The following CACNB4 variants were observed in gnomAD, a reference collection of about 807,000 sequenced individuals.
CACNB4 encodes the protein calcium voltage-gated channel auxiliary subunit beta 4.
Under a neutral mutation model 71.2 loss-of-function variants are expected in CACNB4, and 32 were observed. The observed-to-expected ratio is 0.45, with a 90% CI of 0.34 to 0.60. The LOEUF is 0.60. Ranked by LOEUF, CACNB4 falls within the 20% of genes least tolerant of loss-of-function variation. CACNB4 has a pLI of 0.01. For missense variants in CACNB4, 464 were observed against 647.9 expected (o/e 0.72, Z 3.08); for synonymous variants, 231 against 236.9 (o/e 0.97, Z 0.23).
intron 2 of CACNB4, among the ~76,000 whole-genome samples, chr2:151,975,502 C>T (rs959010338): frequency 1.3e-5 from 2 of 152,150 alleles, no homozygotes; most frequent in Admixed American, 1.3e-4. Flanking sequence ...CAGATTGTCA[C>T]CTCTGAGATT....
intron 2 of CACNB4, among the ~76,000 whole-genome samples, chr2:152,035,158 G>T (rs777392142): frequency 6.6e-6 from 1 of 152,216 alleles, no homozygotes; most frequent in Non-Finnish European, 1.5e-5. Flanking sequence ...CATGTTACAA[G>T]CAATAGCCAG....
At position 152,097,634 on chromosome 2, in the gene CACNB4, G is replaced by C. The variant is rs546408478; in HGVS notation, c.147+696C>G. Among the ~76,000 whole-genome samples the C allele has an allele frequency of 5.3e-5, 8 of 152,308 alleles. 1 individual carries two copies. The South Asian group carries it at 1.4e-3, about 28-fold the overall frequency. On this transcript the variant is annotated intron_variant, in intron 2 of 13. Coordinates refer to ENST00000539935, the MANE Select transcript of CACNB4 (RefSeq NM_000726.5). ...AGCATTGAGCATTACCAGCGATCCG[G>C]AGATCCCGAGCACAGACAATTCGCA...
chr2:151,992,250 T>C (rs1681751685), intron 2 of CACNB4, among the ~76,000 whole-genome samples: 1 of 152,208 alleles, frequency 6.6e-6, no homozygotes. Context: ...GGGAGATGCA[T>C]GCAGCCTGGC....
chr2:151,956,745 G>A (rs1416154621), intron 2 of CACNB4, among the ~76,000 whole-genome samples: 4 of 152,214 alleles, frequency 2.6e-5, no homozygotes, highest in African/African-American at 9.7e-5. Flanking sequence ...CTAGGGAATA[G>A]GGTCTAGGAT....
At chr2:152,096,549 C>T (rs911118210) in intron 2 of CACNB4, among the ~76,000 whole-genome samples, 1 of 152,132 alleles carries the variant, frequency 6.6e-6, no homozygotes, top group Non-Finnish European at 1.5e-5. Flanking sequence ...AATACAATTA[C>T]AATTAACTCC....
intron 2 of CACNB4, among the ~76,000 whole-genome samples, chr2:152,053,229 C>T (rs941111844): frequency 2.0e-5 from 3 of 152,172 alleles, no homozygotes; most frequent in African/African-American, 7.2e-5. Context: ...CTTTCAACCT[C>T]ACCCTCAACC....
upstream of CACNB4, chr2:152,099,125 AC>A (rs1688454695): frequency 1.6e-6 from 1 of 613,802 alleles, no homozygotes; most frequent in South Asian, 2.5e-5. Context: ...CGGCTCCAGG[AC>A]CCGCGCCGGC....
intron 9 of CACNB4, chr2:151,861,597 C>G (rs1293668819): frequency 3.3e-5 from 5 of 152,096 alleles, no homozygotes; most frequent in African/African-American, 4.8e-5. Context: ...AATCCCAGCA[C>G]TTTGGGAGGC....
intron 9 of CACNB4, 50 bp downstream of exon 9, chr2:151,869,127 C>T (rs2099843943): frequency 1.9e-6 from 2 of 1,048,836 alleles, no homozygotes; most frequent in South Asian, 2.8e-5. Context: ...ATTTATCACA[C>T]AAGTTTGGTT....
chr2:151,883,175 T>G, intron 3 of CACNB4, 76 bp downstream of exon 3: 8 of 1,425,226 alleles, frequency 5.6e-6, no homozygotes, highest in African/African-American at 1.4e-5. Context: ...TCCAGAAATG[T>G]GAGGTAAGGG....
In CACNB4 at chr2:152,098,583, C is replaced by CCCACAA; in HGVS notation, c.64-171_64-170insTTGTGG. 9.8e-7 allele frequency: 1 copy of CCCACAA among 1,018,186 alleles called. No individual in the cohort carries two copies. The highest frequency in any genetic ancestry group is 1.5e-6 in the Non-Finnish European group (1 of 659,028). 63.1% of individuals were successfully genotyped at this position (1,018,186 alleles called of 1,614,324 possible). A position where few individuals can be genotyped will look rare whatever the true frequency, so the allele number is the denominator to read the frequency against. On this transcript the variant is annotated intron_variant, in intron 1 of 13. Coordinates refer to ENST00000539935, the MANE Select transcript of CACNB4 (RefSeq NM_000726.5). This position sits in a 1 kb window ranked among gnomAD's most constrained non-coding sequence, Gnocchi z 5.3. ...AATACAGCCCCCACCCCCACCCACC[C>CCCACAA]ACTGCAAGCCTCGACTGCTGAAAAG...
At chr2:151,961,815 C>T (rs2099869729) in intron 2 of CACNB4, among the ~76,000 whole-genome samples, 1 of 152,110 alleles carries the variant, frequency 6.6e-6, no homozygotes, top group Admixed American at 6.5e-5. Flanking sequence ...CACTTCAGCC[C>T]AGGAGGTCCA....
chr2:151,890,614 A>G (rs887679664), intron 2 of CACNB4, among the ~76,000 whole-genome samples: 4 of 152,222 alleles, frequency 2.6e-5, no homozygotes, highest in Non-Finnish European at 5.9e-5. Flanking sequence ...AACTTACATT[A>G]AAACATCAAA....
At chr2:152,079,833 A>G (rs1687257723) in intron 2 of CACNB4, among the ~76,000 whole-genome samples, 1 of 152,160 alleles carries the variant, frequency 6.6e-6, no homozygotes, top group South Asian at 2.1e-4. Flanking sequence ...ATTACATCAG[A>G]CCAGAAAAGT....
intron 2 of CACNB4, among the ~76,000 whole-genome samples, chr2:151,991,909 C>T (rs752441103): frequency 2.6e-5 from 4 of 152,040 alleles, no homozygotes; most frequent in African/African-American, 4.8e-5. Context: ...AACAAAAGAG[C>T]GAATCCAGGA....
rs1203024747 is a variant in CACNB4, at chr2:151,839,156, G to C, written c.1526C>G (p.Pro509Arg). The part of the protein sequence containing the change: ...TYKPHRNRGS[P>R]GGYSHDSRHR... ...TCGGGAGTCATGGCTATATCCCCCA[G>C]GTGATCCTCGGTTCCTATGGGGTTT... The change falls in exon 14 of 14, where the codon CCT becomes CGT. Residue 509 changes from proline to arginine, a missense_variant. Coordinates refer to ENST00000539935, the MANE Select transcript of CACNB4 (RefSeq NM_000726.5). The C allele has an allele frequency of 6.2e-7, 1 of 1,613,364 alleles. No individual in the cohort carries two copies.
chr2:151,979,936 G>T (rs1197383105), intron 2 of CACNB4, among the ~76,000 whole-genome samples: 1 of 152,174 alleles, frequency 6.6e-6, no homozygotes, highest in African/African-American at 2.4e-5. Context: ...GAGCAGGGCA[G>T]AAATAAATCA....
At chr2:151,983,377 T>C (rs140527525) in intron 2 of CACNB4, among the ~76,000 whole-genome samples, 5 of 152,334 alleles carry the variant, frequency 3.3e-5, no homozygotes, top group South Asian at 2.1e-4. Flanking sequence ...CTTTGCAGTA[T>C]TGGATGGAAA....
intron 2 of CACNB4, among the ~76,000 whole-genome samples, chr2:151,931,222 C>T (rs113117395): frequency 0.027 from 4,088 of 152,240 alleles, 52 homozygotes; most frequent in African/African-American, 0.033. Context: ...GGAATCTGTC[C>T]TGTGCTTGCT....
Sources: gnomAD v4.1 joint callset for allele counts (sites outside exome capture counted in the v4.1 genomes callset) on GRCh38, gnomAD v4.1.1 for gene constraint, Gnocchi (gnomAD v3.1) non-coding constraint, MANE v1.5 for transcripts, NCBI Gene and HGNC (gene_info 2026-07-23, HGNC 2026-07-21) for gene names.